AOPEP: variants seen among roughly 807,000 people sequenced by gnomAD.
The protein encoded by AOPEP is aminopeptidase O.
A neutral mutation model predicts 98.1 loss-of-function variants in AOPEP; 77 were observed. The ratio of observed to expected loss-of-function variants is 0.78; its 90% CI spans 0.65 to 0.95. AOPEP has a LOEUF of 0.95. Among genes scored for constraint, AOPEP ranks in the 40% least tolerant of loss-of-function variants. The probability of loss-of-function intolerance (pLI) is 0.00; values close to 1 mark genes in which losing one functional copy is unlikely to be tolerated. For missense variants in AOPEP, 1,024 were observed against 1,024.7 expected (o/e 1.00, Z 0.01); for synonymous variants, 346 against 365.3 (o/e 0.95, Z 0.60).
At chr9:95,098,166 C>G in the AOPEP span, among the ~76,000 whole-genome samples, 2 of 152,226 alleles carry the variant, frequency 1.3e-5, no homozygotes, top group African/African-American at 4.8e-5. Flanking sequence ...CCGCCGTCCT[C>G]TGGGCAGCGT....
chr9:94,800,962 C>T lies in AOPEP; in HGVS notation c.1324C>T (p.Leu442Phe). The part of the protein sequence containing the change: ...GAHPFSRLDV[L>F]IVPANFPSLG... ...ACACCCGTTCTCTCGGCTGGATGTT[C>T]TCATCGTCCCTGCCAACTTTCCAAG... Residue 442 changes from leucine (L) to phenylalanine (F), a missense_variant, in exon 5 of 17, where the codon CTC becomes TTC. Leu to Phe is a conservative substitution (Grantham distance 22, BLOSUM62 0). Coordinates refer to ENST00000375315, the MANE Select transcript of AOPEP (RefSeq NM_001193329.3). The T allele has an allele frequency of 2.5e-6, 4 of 1,614,206 alleles. No homozygotes were observed. The highest frequency in any genetic ancestry group is 3.4e-6 in the Non-Finnish European group (4 of 1,180,038).
intron 5 of AOPEP, among the ~76,000 whole-genome samples, chr9:94,877,952 A>G (rs577927147): frequency 1.4e-4 from 22 of 152,104 alleles, no homozygotes; most frequent in Non-Finnish European, 1.0e-4. Flanking sequence ...AATATCAAGG[A>G]TAGGTTTCCA....
intron 14 of AOPEP, among the ~76,000 whole-genome samples, chr9:95,069,003 C>T (rs965520817): frequency 3.9e-5 from 6 of 152,164 alleles, no homozygotes; most frequent in African/African-American, 1.2e-4. Flanking sequence ...CCTGTTCACT[C>T]CCTGTTGCCT....
At chr9:94,788,631 G>A (rs1240583962) in intron 3 of AOPEP, among the ~76,000 whole-genome samples, 1 of 152,112 alleles carries the variant, frequency 6.6e-6, no homozygotes, top group Non-Finnish European at 1.5e-5. Context: ...AATACATTTG[G>A]AGGGCTTGTC....
intron 14 of AOPEP, among the ~76,000 whole-genome samples, chr9:95,073,851 C>T (rs2068763090): frequency 1.3e-5 from 2 of 152,074 alleles, no homozygotes; most frequent in South Asian, 2.1e-4. Flanking sequence ...AAGTGAGACT[C>T]GGTCTCAAAA....
chr9:94,860,452 C>T (rs2044793607), intron 5 of AOPEP, among the ~76,000 whole-genome samples: 1 of 152,048 alleles, frequency 6.6e-6, no homozygotes, highest in Non-Finnish European at 1.5e-5. Flanking sequence ...CAAGATTGCT[C>T]AGGTTTCTGG....
intron 6 of AOPEP, 151 bp from the exon 7 acceptor site, chr9:94,928,274 G>A (rs1250443877): frequency 1.6e-6 from 1 of 609,166 alleles, no homozygotes; most frequent in East Asian, 2.9e-5. Flanking sequence ...GCACTAAGAG[G>A]CTCCAGTGGC....
intron 3 of AOPEP, among the ~76,000 whole-genome samples, chr9:94,780,206 T>C (rs1842964047): frequency 6.6e-6 from 1 of 152,258 alleles, no homozygotes. Context: ...ATTTGTTACC[T>C]GGTCTTTTAC....
At chr9:94,970,183 T>A (rs10993420) in intron 10 of AOPEP, among the ~76,000 whole-genome samples, 1 of 152,148 alleles carries the variant, frequency 6.6e-6, no homozygotes, top group African/African-American at 2.4e-5. Flanking sequence ...GGTTTTTCAA[T>A]ACTTAATAGT....
the AOPEP span, chr9:95,126,648 C>T: frequency 6.5e-7 from 1 of 1,530,814 alleles, no homozygotes; most frequent in Non-Finnish European, 9.0e-7. Context: ...TTGCTATTAT[C>T]AGCCAAAGGA....
chr9:94,967,674 T>A, intron 9 of AOPEP, 84 bp from the exon 10 acceptor site: 1 of 1,120,546 alleles, frequency 8.9e-7, no homozygotes, highest in African/African-American at 1.5e-5. Flanking sequence ...TGTCAGTAGC[T>A]GGGAGCACTC....
the AOPEP span, chr9:95,101,913 C>A: frequency 6.3e-7 from 1 of 1,596,236 alleles, no homozygotes. Context: ...GTCCTTTGTC[C>A]AGGGACGGAC....
the AOPEP span, chr9:95,126,677 T>C: frequency 2.3e-6 from 3 of 1,292,490 alleles, no homozygotes; most frequent in South Asian, 1.2e-5. Context: ...GAACTGCTGA[T>C]GTCCAGAAAA....
chr9:94,741,243 C>T (rs1222178928), intron 1 of AOPEP, among the ~76,000 whole-genome samples: 1 of 150,674 alleles, frequency 6.6e-6, no homozygotes, highest in Non-Finnish European at 1.5e-5. Context: ...CCTTTTTCCC[C>T]CTTTTGTTTT....
chr9:95,039,719 C>T (rs1479699382), intron 13 of AOPEP, among the ~76,000 whole-genome samples: 2 of 149,152 alleles, frequency 1.3e-5, no homozygotes, highest in Non-Finnish European at 3.0e-5. Flanking sequence ...TTGTTTATCC[C>T]TGCTATAGAC....
At chr9:95,050,011 GA>G (rs2066204409) in intron 13 of AOPEP, among the ~76,000 whole-genome samples, 1 of 152,208 alleles carries the variant, frequency 6.6e-6, no homozygotes, top group Non-Finnish European at 1.5e-5. Context: ...ACTCACAGTA[GA>G]ACTAAGATTA....
At chr9:95,108,074 C>T in the AOPEP span, among the ~76,000 whole-genome samples, 1 of 152,220 alleles carries the variant, frequency 6.6e-6, no homozygotes, top group African/African-American at 2.4e-5. Context: ...TCCATCACTT[C>T]TGAAAGAATA....
the AOPEP span, among the ~76,000 whole-genome samples, chr9:95,117,969 G>A: frequency 5.3e-5 from 8 of 152,154 alleles, no homozygotes; most frequent in East Asian, 1.9e-4. Context: ...TGATCTGGCC[G>A]CCTCGGCCTC....
Position 94,895,894 on chromosome 9 carries a change from C to G in AOPEP, c.1365-28092C>G, listed in dbSNP as rs569413273. On this transcript the variant is annotated intron_variant, in intron 5 of 16. Coordinates refer to ENST00000375315, the MANE Select transcript of AOPEP (RefSeq NM_001193329.3). ...AGTTTTATTGGAGCACAGCATTGCC[C>G]AGTCATTTATGTATTGTCTGTGGCT... Among the ~76,000 whole-genome samples, 172 of 152,306 alleles carry G rather than the reference C, an allele frequency of 1.1e-3. 2 individuals are homozygous for G. The South Asian group carries it at 0.013, about 12-fold the overall frequency.
Sources: gnomAD v4.1 joint callset for allele counts (sites outside exome capture counted in the v4.1 genomes callset) on GRCh38, gnomAD v4.1.1 for gene constraint, MANE v1.5 for transcripts, NCBI Gene and HGNC (gene_info 2026-07-23, HGNC 2026-07-21) for gene names.